Variants in CCDC170 observed in about 807,000 individuals in gnomAD.
CCDC170 encodes coiled-coil domain-containing protein 170.
Under a neutral mutation model 72.6 loss-of-function variants are expected in CCDC170, and 69 were observed. The ratio of observed to expected loss-of-function variants is 0.95; its 90% CI spans 0.78 to 1.16. The LOEUF is 1.16. Ranked by LOEUF, CCDC170 falls within the 50% of genes most tolerant of loss-of-function variation. CCDC170 has a pLI of 0.00. For missense variants in CCDC170, 852 were observed against 832.5 expected (o/e 1.02, Z -0.29); for synonymous variants, 300 against 303.9 (o/e 0.99, Z 0.13).
At chr6:151,607,834 CTGTT>C (rs1313167310) in intron 9 of CCDC170, among the ~76,000 whole-genome samples, 1 of 152,086 alleles carries the variant, frequency 6.6e-6, no homozygotes, top group Non-Finnish European at 1.5e-5. Context: ...TGGGTTGAAA[CTGTT>C]TGGGGATCTT....
intron 1 of CCDC170, among the ~76,000 whole-genome samples, chr6:151,504,200 C>G (rs191210562): frequency 6.6e-6 from 1 of 152,192 alleles, no homozygotes. Context: ...AGGAATACAT[C>G]AAATGTAGCA....
chr6:151,588,637 T>C (rs1185002194), intron 7 of CCDC170, among the ~76,000 whole-genome samples: 1 of 152,054 alleles, frequency 6.6e-6, no homozygotes, highest in Non-Finnish European at 1.5e-5. Flanking sequence ...TGGTGGAAAA[T>C]TTGATTTTGT....
At chr6:151,494,282 G>A (rs1781877785) in intron 1 of CCDC170, 97 bp downstream of exon 1, 1 of 1,255,606 alleles carries the variant, frequency 8.0e-7, no homozygotes. Flanking sequence ...TTTTCCTCCC[G>A]GAGGCGTGGG....
chr6:151,529,244 A>G (rs1782457281), intron 1 of CCDC170, among the ~76,000 whole-genome samples: 1 of 152,250 alleles, frequency 6.6e-6, no homozygotes, highest in Admixed American at 6.5e-5. Flanking sequence ...CAAAGCATAC[A>G]GATCTATCTC....
At chr6:151,582,372 A>G (rs1471967965) in intron 6 of CCDC170, among the ~76,000 whole-genome samples, 4 of 152,172 alleles carry the variant, frequency 2.6e-5, no homozygotes, top group Non-Finnish European at 5.9e-5. Context: ...ACTAGTTTCA[A>G]ACTTTTCTTC....
At chr6:151,526,294 C>T (rs551146762) in intron 1 of CCDC170, among the ~76,000 whole-genome samples, 1 of 151,936 alleles carries the variant, frequency 6.6e-6, no homozygotes, top group South Asian at 2.1e-4. Flanking sequence ...ATGATCTTGG[C>T]TCACTGCACC....
intron 6 of CCDC170, among the ~76,000 whole-genome samples, chr6:151,581,951 G>A (rs1037715223): frequency 3.9e-5 from 6 of 152,226 alleles, no homozygotes; most frequent in Admixed American, 2.0e-4. Flanking sequence ...GTGAACAGAT[G>A]TGCTGTCATC....
At chr6:151,571,612 A>G (rs1043005251) in intron 5 of CCDC170, among the ~76,000 whole-genome samples, 8 of 152,212 alleles carry the variant, frequency 5.3e-5, no homozygotes, top group African/African-American at 1.9e-4. Context: ...CTGTAATCCC[A>G]TCTACTCGGG....
chr6:151,609,434 A>G (rs1776836471), intron 9 of CCDC170, among the ~76,000 whole-genome samples: 1 of 152,174 alleles, frequency 6.6e-6, no homozygotes, highest in Non-Finnish European at 1.5e-5. Context: ...CAAAATTTAA[A>G]TTTGATCATC....
At chr6:151,564,076 T>C (rs1446589789) in intron 5 of CCDC170, among the ~76,000 whole-genome samples, 1 of 152,220 alleles carries the variant, frequency 6.6e-6, no homozygotes, top group Non-Finnish European at 1.5e-5. Flanking sequence ...ATTTCCTTGC[T>C]TTTGCACGTT....
At chr6:151,536,676 G>C (rs903951121) in intron 2 of CCDC170, among the ~76,000 whole-genome samples, 4 of 150,132 alleles carry the variant, frequency 2.7e-5, no homozygotes, top group Non-Finnish European at 4.4e-5. Context: ...TCGAGAGGCT[G>C]AGGCAGGAGA....
intron 5 of CCDC170, among the ~76,000 whole-genome samples, chr6:151,552,240 A>C (rs965972487): frequency 2.0e-5 from 3 of 152,176 alleles, no homozygotes; most frequent in African/African-American, 7.2e-5. Flanking sequence ...TTCTATTAGA[A>C]GGCAAATAAT....
intron 9 of CCDC170, among the ~76,000 whole-genome samples, chr6:151,609,746 G>A (rs889028608): frequency 6.6e-6 from 1 of 152,200 alleles, no homozygotes; most frequent in Non-Finnish European, 1.5e-5. Flanking sequence ...ATCTGTTGCT[G>A]GGTTTGAGGC....
At chr6:151,494,259 C>A in intron 1 of CCDC170, 74 bp downstream of exon 1, 1 of 1,378,602 alleles carries the variant, frequency 7.3e-7, no homozygotes, top group Non-Finnish European at 9.5e-7. Context: ...CGAGGCGCCC[C>A]TGATTTGCAC....
intron 6 of CCDC170, among the ~76,000 whole-genome samples, chr6:151,579,482 A>C (rs921632536): frequency 1.3e-4 from 20 of 152,346 alleles, no homozygotes; most frequent in African/African-American, 4.8e-4. Context: ...CTCTGGACAC[A>C]AGAATCTTGG....
intron 3 of CCDC170, among the ~76,000 whole-genome samples, chr6:151,540,626 A>T (rs1782673693): frequency 6.6e-6 from 1 of 151,614 alleles, no homozygotes; most frequent in Admixed American, 6.6e-5. Context: ...GCTTCAAGTG[A>T]TCTGTCTGCC....
At chr6:151,504,867 C>T (rs961587605) in intron 1 of CCDC170, among the ~76,000 whole-genome samples, 5 of 151,544 alleles carry the variant, frequency 3.3e-5, no homozygotes, top group Admixed American at 2.0e-4. Flanking sequence ...GAGAGAGCGT[C>T]GAGGACAGAA....
chr6:151,567,418 G>A (rs1776152889), intron 5 of CCDC170, among the ~76,000 whole-genome samples: 1 of 151,808 alleles, frequency 6.6e-6, no homozygotes, highest in Admixed American at 6.6e-5. Flanking sequence ...ATTTGATAGA[G>A]ACAGGGTTTC....
At chr6:151,558,230 G>GTGTTTTTT (rs1783017854) in intron 5 of CCDC170, among the ~76,000 whole-genome samples, 1 of 69,456 alleles carries the variant, frequency 1.4e-5, no homozygotes, top group African/African-American at 4.9e-5. Context: ...ATTGAGATTA[G>GTGTTTTTT]TGTTTTTTTT....
Sources: gnomAD v4.1 joint callset for allele counts (sites outside exome capture counted in the v4.1 genomes callset) on GRCh38, gnomAD v4.1.1 for gene constraint, MANE v1.5 for transcripts, NCBI Gene and HGNC (gene_info 2026-07-23, HGNC 2026-07-21) for gene names.